The following OOSP4B variants were observed in gnomAD, a reference collection of about 807,000 sequenced individuals.
OOSP4B encodes oocyte secreted protein family member 4B.
chr11:60,030,167 G>A (rs1334159329), intron 4 of OOSP4B, among the ~76,000 whole-genome samples: 1 of 151,942 alleles, frequency 6.6e-6, no homozygotes, highest in Non-Finnish European at 1.5e-5. Context: ...ATTCTCTCAG[G>A]TACTAAACTG....
chr11:60,018,459 T>C (rs1854648232), intron 1 of OOSP4B, among the ~76,000 whole-genome samples: 1 of 152,226 alleles, frequency 6.6e-6, no homozygotes, highest in Non-Finnish European at 1.5e-5. Context: ...TCAGTGAGGC[T>C]GAGTTGAGAA....
chr11:60,028,284 G>C (rs1854766515), intron 3 of OOSP4B, among the ~76,000 whole-genome samples: 1 of 151,598 alleles, frequency 6.6e-6, no homozygotes, highest in Non-Finnish European at 1.5e-5. Flanking sequence ...TCCTGCCTCA[G>C]CCTCCAGAGT....
At chr11:60,024,814 A>G in intron 2 of OOSP4B, 94 bp from the exon 3 acceptor site, 1 of 395,974 alleles carries the variant, frequency 2.5e-6, no homozygotes, top group Non-Finnish European at 4.4e-6. Context: ...GTAAAATGCC[A>G]TTTCCGGATT....
chr11:60,030,434 A>G (rs1381259407), intron 4 of OOSP4B, among the ~76,000 whole-genome samples: 2 of 152,204 alleles, frequency 1.3e-5, no homozygotes, highest in African/African-American at 4.8e-5. Flanking sequence ...TTTTAAAAGG[A>G]TGTCAGAAAA....
intron 4 of OOSP4B, 80 bp from the exon 5 acceptor site, chr11:60,030,722 T>G (rs1309864167): frequency 2.5e-6 from 1 of 397,766 alleles, no homozygotes; most frequent in Non-Finnish European, 4.4e-6. Context: ...TGAGCACCCA[T>G]GAGTTCTCTG....
intron 1 of OOSP4B, among the ~76,000 whole-genome samples, chr11:60,021,774 A>G (rs752155695): frequency 3.3e-5 from 5 of 152,188 alleles, no homozygotes; most frequent in Non-Finnish European, 5.9e-5. Flanking sequence ...ACCTGAGGTC[A>G]GGAGTTTGAG....
intron 3 of OOSP4B, among the ~76,000 whole-genome samples, chr11:60,027,791 T>G (rs1565050110): frequency 1.3e-5 from 2 of 150,966 alleles, no homozygotes; most frequent in Admixed American, 1.3e-4. Flanking sequence ...AATACAAAAA[T>G]TAGCCAGGCC....
chr11:60,022,542 A>C (rs1854702797), intron 1 of OOSP4B, among the ~76,000 whole-genome samples: 1 of 152,336 alleles, frequency 6.6e-6, no homozygotes, highest in Non-Finnish European at 1.5e-5. Flanking sequence ...TGGTAACCTC[A>C]GGTTTCTAGG....
At chr11:60,024,220 G>C (rs1854722694) in intron 2 of OOSP4B, among the ~76,000 whole-genome samples, 159 bp downstream of exon 2, 1 of 152,004 alleles carries the variant, frequency 6.6e-6, no homozygotes, top group South Asian at 2.1e-4. Flanking sequence ...TACTTAATTG[G>C]GACATTTCAG....
chr11:60,029,264 T>A (rs1438147597), intron 3 of OOSP4B, among the ~76,000 whole-genome samples: 1 of 152,096 alleles, frequency 6.6e-6, no homozygotes, highest in Non-Finnish European at 1.5e-5. Flanking sequence ...AGAGCAGCAG[T>A]GGGAATAAAC....
At chr11:60,027,118 T>C (rs1420691652) in intron 3 of OOSP4B, among the ~76,000 whole-genome samples, 2 of 152,162 alleles carry the variant, frequency 1.3e-5, no homozygotes, top group African/African-American at 2.4e-5. Flanking sequence ...TAGTCCCCAG[T>C]AGGTAATTTT....
exon 2 of OOSP4B, chr11:60,024,022 G>A (rs566528926): frequency 7.5e-6 from 3 of 398,462 alleles, no homozygotes; most frequent in Admixed American, 4.4e-5. Context: ...TTAACTACGC[G>A]TTTTCTTATC....
intron 1 of OOSP4B, among the ~76,000 whole-genome samples, chr11:60,023,452 G>C (rs1854714096): frequency 6.6e-6 from 1 of 151,496 alleles, no homozygotes; most frequent in African/African-American, 2.4e-5. Context: ...GTCTTTTTTT[G>C]AGATGGGGGT....
chr11:60,031,069 A>G (rs979065626), exon 5 of OOSP4B: 8 of 363,752 alleles, frequency 2.2e-5, no homozygotes, highest in Non-Finnish European at 3.9e-5. Context: ...AATCAAGCTC[A>G]TACATAATAA....
At chr11:60,018,422 A>C (rs1032628814) in intron 1 of OOSP4B, among the ~76,000 whole-genome samples, 2 of 152,200 alleles carry the variant, frequency 1.3e-5, no homozygotes, top group African/African-American at 4.8e-5. Context: ...TATAGCCAAC[A>C]ACCACAAAAT....
chr11:60,026,171 A>G (rs1854744886), intron 3 of OOSP4B, among the ~76,000 whole-genome samples: 3 of 152,102 alleles, frequency 2.0e-5, no homozygotes, highest in Admixed American at 2.0e-4. Flanking sequence ...TTTGGAGTTT[A>G]ATTTATAGAC....
intron 1 of OOSP4B, among the ~76,000 whole-genome samples, chr11:60,021,097 C>T (rs1854687017): frequency 6.6e-6 from 1 of 152,232 alleles, no homozygotes; most frequent in South Asian, 2.1e-4. Context: ...ATCTATCCTT[C>T]TCTTCACATG....
intron 3 of OOSP4B, among the ~76,000 whole-genome samples, chr11:60,028,435 G>A (rs1353352851): frequency 1.3e-5 from 2 of 152,086 alleles, no homozygotes; most frequent in African/African-American, 4.8e-5. Context: ...CAAAGTGGTA[G>A]GATTACAGGA....
chr11:60,018,844 G>A (rs1474415940), intron 1 of OOSP4B, among the ~76,000 whole-genome samples: 1 of 152,152 alleles, frequency 6.6e-6, no homozygotes, highest in African/African-American at 2.4e-5. Flanking sequence ...TGTAGTTAAG[G>A]ATGAAATTGA....
Sources: allele counts gnomAD v4.1 joint callset (sites outside exome capture counted in the v4.1 genomes callset), GRCh38; gene constraint gnomAD v4.1.1; transcripts MANE v1.5; gene names NCBI Gene and HGNC (gene_info 2026-07-23, HGNC 2026-07-21).